Variants in FMNL2 observed in about 807,000 individuals in gnomAD.
The protein encoded by FMNL2 is formin like 2.
In FMNL2, 51 loss-of-function variants were observed where a neutral mutation model predicts 130.2. That is an observed-to-expected ratio of 0.39 (90% CI 0.31 to 0.49). FMNL2 has a LOEUF of 0.49. Among genes scored for constraint, FMNL2 ranks in the 20% least tolerant of loss-of-function variants. The pLI is 0.85. For missense variants in FMNL2, 977 were observed against 1,316.2 expected (o/e 0.74, Z 3.99); for synonymous variants, 465 against 467.1 (o/e 1.00, Z 0.06).
chr2:152,464,589 C>T (rs936572945), intron 1 of FMNL2, among the ~76,000 whole-genome samples: 2 of 152,182 alleles, frequency 1.3e-5, no homozygotes, highest in African/African-American at 4.8e-5. Flanking sequence ...TTTGTAATTT[C>T]CATTTCACTG....
At chr2:152,468,635 T>G (rs561196023) in intron 1 of FMNL2, among the ~76,000 whole-genome samples, 1 of 152,350 alleles carries the variant, frequency 6.6e-6, no homozygotes, top group Non-Finnish European at 1.5e-5. Flanking sequence ...ATGATATACC[T>G]TATTTAAGCC....
chr2:152,398,289 A>T (rs1005258770), intron 1 of FMNL2, among the ~76,000 whole-genome samples: 1 of 152,182 alleles, frequency 6.6e-6, no homozygotes, highest in African/African-American at 2.4e-5. Flanking sequence ...AAGAGCACAG[A>T]TTTTTTATAT....
At chr2:152,505,160 T>A (rs568817882) in intron 1 of FMNL2, among the ~76,000 whole-genome samples, 2 of 152,212 alleles carry the variant, frequency 1.3e-5, no homozygotes, top group South Asian at 4.2e-4. Context: ...TTTTTTTTTT[T>A]AAACCCTGAA....
chr2:152,405,869 A>G (rs1685952485), intron 1 of FMNL2, among the ~76,000 whole-genome samples: 1 of 152,208 alleles, frequency 6.6e-6, no homozygotes, highest in Non-Finnish European at 1.5e-5. Flanking sequence ...TGATATTGAT[A>G]TGGGTGGATA....
intron 9 of FMNL2, among the ~76,000 whole-genome samples, chr2:152,595,351 G>A (rs190684425): frequency 2.9e-4 from 44 of 152,264 alleles, no homozygotes; most frequent in Non-Finnish European, 3.5e-4. Flanking sequence ...GCAGAGTCTT[G>A]CTCTTGTCAC....
At chr2:152,590,444 C>G (rs957050198) in intron 9 of FMNL2, among the ~76,000 whole-genome samples, 3 of 151,940 alleles carry the variant, frequency 2.0e-5, no homozygotes, top group Non-Finnish European at 4.4e-5. Context: ...ATGGTGAAAC[C>G]CTGTCTCTAC....
At chr2:152,356,206 A>G (rs948954086) in intron 1 of FMNL2, among the ~76,000 whole-genome samples, 1 of 152,178 alleles carries the variant, frequency 6.6e-6, no homozygotes, top group Non-Finnish European at 1.5e-5. Flanking sequence ...GCACATGGCA[A>G]CCTCTGCCTC....
intron 2 of FMNL2, among the ~76,000 whole-genome samples, chr2:152,540,954 T>C (rs1579919023): frequency 2.0e-5 from 3 of 152,326 alleles, no homozygotes; most frequent in East Asian, 3.9e-4. Flanking sequence ...AATGTTGTGG[T>C]TCCCTGTGTT....
intron 1 of FMNL2, among the ~76,000 whole-genome samples, chr2:152,474,307 G>T (rs1233526454): frequency 6.6e-6 from 1 of 152,214 alleles, no homozygotes; most frequent in African/African-American, 2.4e-5. Flanking sequence ...TGCCTTTTGA[G>T]TATTGGCTGA....
At chr2:152,421,129 A>T (rs1237194642) in intron 1 of FMNL2, among the ~76,000 whole-genome samples, 1 of 152,074 alleles carries the variant, frequency 6.6e-6, no homozygotes, top group Non-Finnish European at 1.5e-5. Context: ...CTAACAACTC[A>T]TTTCCCCTTT....
chr2:152,418,228 A>G (rs1686718758), intron 1 of FMNL2, among the ~76,000 whole-genome samples: 2 of 152,190 alleles, frequency 1.3e-5, no homozygotes, highest in South Asian at 4.1e-4. Context: ...CATTGCATTT[A>G]CATGGTGATT....
chr2:152,447,249 C>T (rs1688396235), intron 1 of FMNL2, among the ~76,000 whole-genome samples: 1 of 151,990 alleles, frequency 6.6e-6, no homozygotes, highest in Admixed American at 6.6e-5. Flanking sequence ...TATAGGCATG[C>T]ACCACCACAC....
At chr2:152,493,758 G>T (rs972142090) in intron 1 of FMNL2, among the ~76,000 whole-genome samples, 2 of 152,182 alleles carry the variant, frequency 1.3e-5, no homozygotes, top group South Asian at 2.1e-4. Flanking sequence ...GCAGATGCTG[G>T]CACAATGCTT....
At chr2:152,423,064 G>A (rs998090369) in intron 1 of FMNL2, among the ~76,000 whole-genome samples, 1 of 152,186 alleles carries the variant, frequency 6.6e-6, no homozygotes, top group African/African-American at 2.4e-5. Flanking sequence ...TGGGTACATA[G>A]TAGGCATATA....
chr2:152,342,865 T>G (rs1655997611), intron 1 of FMNL2, among the ~76,000 whole-genome samples: 1 of 152,174 alleles, frequency 6.6e-6, no homozygotes, highest in African/African-American at 2.4e-5. Context: ...TCAGCCCTAT[T>G]TACCAGGTAT....
chr2:152,354,290 G>C (rs1682668134), intron 1 of FMNL2, among the ~76,000 whole-genome samples: 1 of 152,028 alleles, frequency 6.6e-6, no homozygotes, highest in South Asian at 2.1e-4. Flanking sequence ...GCTCCATCCT[G>C]GAATGGATGG....
intron 1 of FMNL2, among the ~76,000 whole-genome samples, chr2:152,396,315 T>C (rs776171584): frequency 6.6e-6 from 1 of 152,238 alleles, no homozygotes; most frequent in Non-Finnish European, 1.5e-5. Context: ...CTATTTGGGC[T>C]GAACTGACTT....
chr2:152,393,991 T>C (rs757618619), intron 1 of FMNL2, among the ~76,000 whole-genome samples: 10 of 152,248 alleles, frequency 6.6e-5, no homozygotes, highest in Non-Finnish European at 1.5e-4. Context: ...GCTCACGGGC[T>C]GTAGAAGAAC....
chr2:152,618,428 A>C (rs945106475), intron 13 of FMNL2, among the ~76,000 whole-genome samples: 2 of 152,178 alleles, frequency 1.3e-5, no homozygotes, highest in African/African-American at 4.8e-5. Flanking sequence ...ATTTGTATCC[A>C]AGTCTGATTT....
Sources: gnomAD v4.1 joint callset for allele counts (sites outside exome capture counted in the v4.1 genomes callset) on GRCh38, gnomAD v4.1.1 for gene constraint, MANE v1.5 for transcripts, NCBI Gene and HGNC (gene_info 2026-07-23, HGNC 2026-07-21) for gene names.